Variants in LYPLAL1 observed in about 807,000 individuals in gnomAD.
LYPLAL1 encodes the protein lysophospholipase-like protein 1.
In LYPLAL1, 23 loss-of-function variants were observed where a neutral mutation model predicts 19.7. The ratio of observed to expected loss-of-function variants is 1.17; its 90% confidence interval spans 0.84 to 1.65. The LOEUF is 1.65. Ranked by LOEUF, LYPLAL1 falls within the 40% of genes most tolerant of loss-of-function variation. The pLI is 0.00. For missense variants in LYPLAL1, 355 were observed against 279.4 expected (o/e 1.27, Z -1.93); for synonymous variants, 119 against 96.3 (o/e 1.24, Z -1.38).
chr1:219,318,159 G>T, the LYPLAL1 span, among the ~76,000 whole-genome samples: 1 of 151,990 alleles, frequency 6.6e-6, no homozygotes, highest in Non-Finnish European at 1.5e-5. Context: ...TTTTCTCTGG[G>T]ATTAAAAAAA....
intron 2 of LYPLAL1, among the ~76,000 whole-genome samples, chr1:219,187,786 G>A (rs1656843922): frequency 6.6e-6 from 1 of 151,684 alleles, no homozygotes; most frequent in Non-Finnish European, 1.5e-5. Flanking sequence ...TCTGAAGCAT[G>A]ATAGTAGGAG....
the LYPLAL1 span, among the ~76,000 whole-genome samples, chr1:219,332,104 T>C: frequency 6.6e-6 from 1 of 152,168 alleles, no homozygotes; most frequent in African/African-American, 2.4e-5. Context: ...ATTTCACACT[T>C]AGACTTTAAG....
At chr1:219,281,256 A>G in the LYPLAL1 span, among the ~76,000 whole-genome samples, 2 of 152,176 alleles carry the variant, frequency 1.3e-5, no homozygotes, top group African/African-American at 4.8e-5. Context: ...CATGCAATTA[A>G]TATCTTCCCT....
chr1:219,296,117 A>G, the LYPLAL1 span, among the ~76,000 whole-genome samples: 18 of 152,236 alleles, frequency 1.2e-4, no homozygotes, highest in Non-Finnish European at 1.6e-4. Context: ...TTCTCTGCCC[A>G]TGGAGTAGAA....
intron 3 of LYPLAL1, among the ~76,000 whole-genome samples, chr1:219,204,642 A>G (rs544769965): frequency 7.9e-5 from 12 of 152,192 alleles, no homozygotes; most frequent in Non-Finnish European, 1.3e-4. Context: ...TAAGTTCTGA[A>G]GTTGTTTTTA....
the LYPLAL1 span, among the ~76,000 whole-genome samples, chr1:219,258,437 C>G: frequency 6.6e-6 from 1 of 151,990 alleles, no homozygotes; most frequent in Non-Finnish European, 1.5e-5. Flanking sequence ...CCAGCCAGTC[C>G]CTCCGTTCGG....
At chr1:219,382,517 GC>G in the LYPLAL1 span, among the ~76,000 whole-genome samples, 10 of 151,968 alleles carry the variant, frequency 6.6e-5, no homozygotes, top group Admixed American at 5.9e-4. Flanking sequence ...CCACCACTGC[GC>G]CCGGCTAACC....
the LYPLAL1 span, among the ~76,000 whole-genome samples, chr1:219,246,950 A>T: frequency 6.6e-6 from 1 of 152,120 alleles, no homozygotes; most frequent in East Asian, 1.9e-4. Flanking sequence ...AAATTGAAAA[A>T]CACCTAAGTT....
the LYPLAL1 span, among the ~76,000 whole-genome samples, chr1:219,241,134 C>CTCTCTCTCTCTCTCTCTA: frequency 2.0e-4 from 9 of 44,362 alleles, no homozygotes; most frequent in East Asian, 8.2e-4. Context: ...CTCTCTCTCT[C>CTCTCTCTCTCTCTCTCTA]TATATATATA....
At chr1:219,360,984 G>A in the LYPLAL1 span, among the ~76,000 whole-genome samples, 2 of 152,174 alleles carry the variant, frequency 1.3e-5, no homozygotes. Context: ...TTCTAGTTAT[G>A]AAGACTCTTT....
At chr1:219,393,116 A>C in the LYPLAL1 span, among the ~76,000 whole-genome samples, 2 of 152,186 alleles carry the variant, frequency 1.3e-5, no homozygotes, top group Non-Finnish European at 2.9e-5. Context: ...AGGGTTGGTT[A>C]CTGGGCTCCC....
the LYPLAL1 span, among the ~76,000 whole-genome samples, chr1:219,292,048 G>C: frequency 6.6e-6 from 1 of 152,150 alleles, no homozygotes; most frequent in African/African-American, 2.4e-5. Flanking sequence ...TGGGTGTGCA[G>C]TGGGGGCCCA....
At chr1:219,359,185 C>A in the LYPLAL1 span, among the ~76,000 whole-genome samples, 1 of 152,164 alleles carries the variant, frequency 6.6e-6, no homozygotes, top group Non-Finnish European at 1.5e-5. Flanking sequence ...TGCTGACCTA[C>A]CATTTACATT....
chr1:219,336,628 T>A, the LYPLAL1 span, among the ~76,000 whole-genome samples: 5 of 151,996 alleles, frequency 3.3e-5, no homozygotes, highest in Non-Finnish European at 4.4e-5. Flanking sequence ...CTTAGCCAAT[T>A]TACTTGCCAT....
At chr1:219,307,002 C>A in the LYPLAL1 span, among the ~76,000 whole-genome samples, 3 of 147,032 alleles carry the variant, frequency 2.0e-5, no homozygotes, top group East Asian at 5.9e-4. Flanking sequence ...ACATGTATTC[C>A]AAATGATATA....
At chr1:219,321,485 C>A in the LYPLAL1 span, among the ~76,000 whole-genome samples, 1 of 152,192 alleles carries the variant, frequency 6.6e-6, no homozygotes, top group Non-Finnish European at 1.5e-5. Flanking sequence ...GTTGCCATTG[C>A]TTTTGGTGTT....
chr1:219,329,397 T>C, the LYPLAL1 span, among the ~76,000 whole-genome samples: 1 of 152,232 alleles, frequency 6.6e-6, no homozygotes, highest in Non-Finnish European at 1.5e-5. Context: ...CTAATATTTG[T>C]CATACGTTTA....
chr1:219,245,393 C>T, the LYPLAL1 span, among the ~76,000 whole-genome samples: 1 of 152,152 alleles, frequency 6.6e-6, no homozygotes, highest in South Asian at 2.1e-4. Flanking sequence ...TGCCCTATGT[C>T]TGGAGTCCTA....
At chr1:219,334,284 T>G in the LYPLAL1 span, among the ~76,000 whole-genome samples, 1 of 152,044 alleles carries the variant, frequency 6.6e-6, no homozygotes, top group Non-Finnish European at 1.5e-5. Context: ...TCTGATCAAT[T>G]TGTTGGACTG....
Sources: gnomAD v4.1 joint callset for allele counts (sites outside exome capture counted in the v4.1 genomes callset) on GRCh38, gnomAD v4.1.1 for gene constraint, MANE v1.5 for transcripts, NCBI Gene and HGNC (gene_info 2026-07-23, HGNC 2026-07-21) for gene names.